The following LTF variants were observed in gnomAD, a reference collection of about 807,000 sequenced individuals.
The protein encoded by LTF is epididymis luminal protein 110.
In LTF, 91 loss-of-function variants were observed where a neutral mutation model predicts 87.2. The observed-to-expected ratio is 1.04, with a 90% confidence interval of 0.88 to 1.24. LTF has a LOEUF of 1.24. LTF is among the 50% of genes most tolerant of loss of function. The probability of loss-of-function intolerance (pLI) is 0.00; values close to 1 mark genes in which losing one functional copy is unlikely to be tolerated. For missense variants in LTF, 901 were observed against 904.3 expected, an observed-to-expected ratio of 1.00 and a Z score of 0.05; for synonymous variants, 378 against 356.1, an observed-to-expected ratio of 1.06 and a Z score of -0.69.
rs949857643 is a variant in LTF, at chr3:46,473,339, C to A, written c.-319-2873G>T. Among the ~76,000 whole-genome samples, 24 of 152,218 alleles carry A rather than the reference C, an allele frequency of 1.6e-4. 1 individual carries two copies. The highest frequency in any genetic ancestry group is 1.5e-5 in the Non-Finnish European group (1 of 68,040). On this transcript the variant is annotated intron_variant, in intron 1 of 19. Coordinates refer to the LTF transcript ENST00000443496. ...CTCTACTCTGGCAATGTGTACTCAACTGTGAACAGAACAGCTCAGCCTAGA... is the reference window on the plus strand; with the variant it reads ...CTCTACTCTGGCAATGTGTACTCAAATGTGAACAGAACAGCTCAGCCTAGA...
chr3:46,445,574 CT>C, intron 11 of LTF, 138 bp from the exon 12 acceptor site: 1 of 657,908 alleles, frequency 1.5e-6, no homozygotes, highest in Non-Finnish European at 2.6e-6. Context: ...AAGAACTGGC[CT>C]TTTTAGGTAG....
intron 1 of LTF, among the ~76,000 whole-genome samples, chr3:46,475,492 C>T (rs946944246): frequency 2.7e-5 from 4 of 150,762 alleles, no homozygotes; most frequent in Non-Finnish European, 5.9e-5. Context: ...AGATGTCAGT[C>T]ACTTTCATCT....
At chr3:46,440,205 A>AT (rs889703691) in intron 14 of LTF, among the ~76,000 whole-genome samples, 1 of 152,120 alleles carries the variant, frequency 6.6e-6, no homozygotes, top group East Asian at 1.9e-4. Context: ...TAGAGTTCTT[A>AT]TTTTTTTAAA....
intron 3 of LTF, 57 bp downstream of exon 3, chr3:46,456,233 C>G (rs4683227): frequency 0.093 from 131,400 of 1,413,164 alleles, 7,351 homozygotes; most frequent in Admixed American, 0.21. Flanking sequence ...TTAATCCACA[C>G]AGCTCAGGGC....
intron 4 of LTF, 78 bp downstream of exon 4, chr3:46,455,718 A>G: frequency 6.9e-7 from 1 of 1,446,862 alleles, no homozygotes; most frequent in East Asian, 2.3e-5. Context: ...TTTCACCTGC[A>G]TGATCTGTGT....
chr3:46,456,009 T>G, intron 3 of LTF, 31 bp from the exon 4 acceptor site: 1 of 1,531,802 alleles, frequency 6.5e-7, no homozygotes, highest in Non-Finnish European at 8.8e-7. Context: ...TTGAAAGTTC[T>G]TAGCCTGGAC....
chr3:46,469,802 C>T (rs1703260853), upstream of LTF, among the ~76,000 whole-genome samples: 1 of 152,196 alleles, frequency 6.6e-6, no homozygotes, highest in Non-Finnish European at 1.5e-5. Flanking sequence ...CTGGGAGCTT[C>T]CATCAGGAGG....
Position 46,436,177 on chromosome 3 carries a change from G to A in LTF, c.*18C>T, listed in dbSNP as rs1361237817. 1 of 1,613,960 alleles carries A rather than the reference G, an allele frequency of 6.2e-7. No individual in the cohort carries two copies. Among genetic ancestry groups the A allele is most frequent in the Non-Finnish European group, 8.5e-7 (1 of 1,179,802 alleles). ...ATGGCTGAGGCTTTCTTGGGGAGCT[G>A]GGCCATCTTCTTCGGTTTTACTTCC... is the stretch of plus-strand genomic sequence containing the variant. On this transcript the variant is annotated 3_prime_UTR_variant, in exon 17 of 17. Coordinates refer to ENST00000231751, the MANE Select transcript of LTF (RefSeq NM_002343.6).
Position 46,476,943 on chromosome 3 carries a change from T to C in LTF, c.-319-6477A>G, listed in dbSNP as rs548238939. On this transcript the variant is annotated intron_variant, in intron 1 of 19. Transcript: ENST00000443496. ...AGTTACCTGTCTATTCTATTGGTAA[T>C]AGATATTTTGGTCGTTTCTAACTTG... Among the ~76,000 whole-genome samples, 4 of 152,348 alleles carry C rather than the reference T, an allele frequency of 2.6e-5. No individual in the cohort carries two copies. In the South Asian group the frequency reaches 8.3e-4, roughly 32 times the overall value.
rs754831960 is a variant in LTF, at chr3:46,464,810, G to C, written c.43+15C>G. The C allele has an allele frequency of 9.9e-6, 16 of 1,613,848 alleles. No individual in the cohort carries two copies. The East Asian group carries it at 2.0e-4, about 20-fold the overall frequency. On this transcript the variant is annotated intron_variant, in intron 1 of 16. Coordinates refer to ENST00000231751, the MANE Select transcript of LTF (RefSeq NM_002343.6). ...GCCCATCAGGCGGCTCGCGCCCCCA[G>C]GCACCTGCACTCACCGAGGGCCCCG...
intron 4 of LTF, 101 bp from the exon 5 acceptor site, chr3:46,455,543 C>T (rs953248761): frequency 4.2e-6 from 6 of 1,420,688 alleles, no homozygotes; most frequent in Non-Finnish European, 5.8e-6. Context: ...GCCCCTTCCT[C>T]CACCCCTGCA....
chr3:46,465,062 C>A, upstream of LTF: 1 of 619,430 alleles, frequency 1.6e-6, no homozygotes, highest in Non-Finnish European at 2.9e-6. Context: ...GACTCCACAC[C>A]GCGCTGCGAG....
At chr3:46,448,106 G>A (rs547386604) in intron 9 of LTF, among the ~76,000 whole-genome samples, 20 of 152,270 alleles carry the variant, frequency 1.3e-4, no homozygotes, top group African/African-American at 2.9e-4. Context: ...GCTCACACCC[G>A]TAATCCCAGC....
chr3:46,449,227 T>C (rs1356471800), intron 8 of LTF, among the ~76,000 whole-genome samples: 1 of 152,244 alleles, frequency 6.6e-6, no homozygotes, highest in African/African-American at 2.4e-5. Flanking sequence ...CCCACTTCTG[T>C]TCCTTTGGAG....
intron 15 of LTF, among the ~76,000 whole-genome samples, chr3:46,438,955 T>A (rs909703900): frequency 3.9e-5 from 6 of 152,050 alleles, no homozygotes; most frequent in African/African-American, 1.4e-4. Context: ...AAAAGCACTA[T>A]ACTAATGCAT....
At chr3:46,469,103 G>C (rs145701533), upstream of LTF, among the ~76,000 whole-genome samples, 14 of 152,350 alleles carry the variant, frequency 9.2e-5, no homozygotes, top group East Asian at 2.5e-3. Flanking sequence ...AAATAGTGCT[G>C]TCAGTGACTT....
At chr3:46,459,590 A>C (rs1279302287) in intron 2 of LTF, 66 bp downstream of exon 2, 1 of 1,349,024 alleles carries the variant, frequency 7.4e-7, no homozygotes, top group African/African-American at 1.5e-5. Flanking sequence ...CTCGTGTTCT[A>C]TCTTTTTCCA....
rs185014142 is a variant in LTF, at chr3:46,439,891, C to T, written c.1724-411G>A. Among the ~76,000 whole-genome samples, 17 of 149,676 alleles carry T rather than the reference C, an allele frequency of 1.1e-4. 1 individual carries two copies. The highest frequency in any genetic ancestry group is 9.9e-4 in the Admixed American group (15 of 15,134). On this transcript the variant is annotated intron_variant, in intron 14 of 16. Coordinates refer to ENST00000231751, the MANE Select transcript of LTF (RefSeq NM_002343.6). Reference sequence around the variant, plus strand: ...AGGAGTTCATGACCAGCTTGGGCAACATAGCAAGACCTCATCTCAAAAAAA... The same window carrying T: ...AGGAGTTCATGACCAGCTTGGGCAATATAGCAAGACCTCATCTCAAAAAAA...
Position 46,464,857 on chromosome 3 carries a change from A to G in LTF, c.11T>C (p.Val4Ala), listed in dbSNP as rs1703175240. ...CCCGAGGAACAGCAGGACGAGGAAG[A>G]CAAGTTTCATGTCTGCGGTCTGGAG... The part of the protein sequence containing the change: MKL[V>A]FLVLLFLGAL... Residue 4 changes from valine to alanine, a missense_variant, in exon 1 of 17, where the codon GTC becomes GCC. By Grantham distance (64) the Val-to-Ala change is moderately conservative (BLOSUM62 0). Coordinates refer to ENST00000231751, the MANE Select transcript of LTF (RefSeq NM_002343.6). 1.9e-6 allele frequency: 3 copies of G among 1,613,906 alleles called. No individual in the cohort carries two copies. The highest frequency in any genetic ancestry group is 1.1e-5 in the South Asian group (1 of 91,040).
Sources: allele counts gnomAD v4.1 joint callset (sites outside exome capture counted in the v4.1 genomes callset), GRCh38; gene constraint gnomAD v4.1.1; transcripts MANE v1.5; gene names NCBI Gene and HGNC (gene_info 2026-07-23, HGNC 2026-07-21).